ATXN7: variants seen among roughly 807,000 people sequenced by gnomAD.
The protein encoded by ATXN7 is ataxin-7.
In ATXN7, 12 loss-of-function variants were observed where a neutral mutation model predicts 70.5. That is an observed-to-expected ratio of 0.17 (90% CI 0.11 to 0.28). ATXN7 has a LOEUF of 0.28. ATXN7 is among the 10% of genes least tolerant of loss of function. The pLI, the probability that ATXN7 is intolerant of heterozygous loss-of-function variation, is 1.00. For synonymous variants in ATXN7, 498 were observed against 448.7 expected (o/e 1.11, Z -1.39); for missense variants, 1,256 against 1,131.7 (o/e 1.11, Z -1.58).
Position 63,979,814 on chromosome 3 carries a change from G to T in ATXN7, c.500-101G>T, listed in dbSNP as rs1020968539. On this transcript the variant is annotated intron_variant, in intron 5 of 12. Transcript: ENST00000674280. ...TTAACATACCTTCACTTAACGACACGTGTTTTAACCTGAATATATTGATTT... is the reference window on the plus strand; with the variant it reads ...TTAACATACCTTCACTTAACGACACTTGTTTTAACCTGAATATATTGATTT... 6 of 1,509,744 alleles carry T rather than the reference G, an allele frequency of 4.0e-6. No individual in the cohort carries two copies. The East Asian group carries it at 6.8e-5, about 17-fold the overall frequency. The allele number at this position is 1,509,744 out of a possible 1,614,324, so 93.5% of individuals were successfully genotyped here. A position where few individuals can be genotyped will look rare whatever the true frequency, so the allele number is the denominator to read the frequency against.
intron 1 of ATXN7, among the ~76,000 whole-genome samples, chr3:63,870,250 A>G (rs1033869796): frequency 1.3e-5 from 2 of 152,172 alleles, no homozygotes; most frequent in African/African-American, 4.8e-5. Context: ...TTTTTCAACC[A>G]TTTAAAAATG....
chr3:63,940,526 G>T (rs2074740215), intron 4 of ATXN7, among the ~76,000 whole-genome samples: 1 of 152,244 alleles, frequency 6.6e-6, no homozygotes, highest in South Asian at 2.1e-4. Context: ...ATTCTTAACT[G>T]AGTCATGAGA....
At chr3:63,972,259 G>C (rs935018120) in intron 5 of ATXN7, among the ~76,000 whole-genome samples, 1 of 152,182 alleles carries the variant, frequency 6.6e-6, no homozygotes, top group Non-Finnish European at 1.5e-5. Flanking sequence ...GCCAAAGACT[G>C]TGTGCATGTT....
At chr3:63,931,258 T>C (rs899783483) in intron 4 of ATXN7, among the ~76,000 whole-genome samples, 4 of 152,178 alleles carry the variant, frequency 2.6e-5, no homozygotes, top group Admixed American at 2.6e-4. Context: ...AGTTTGCTGA[T>C]TTATTGTTTC....
chr3:63,889,646 T>C (rs982132588), intron 1 of ATXN7, among the ~76,000 whole-genome samples: 3 of 152,160 alleles, frequency 2.0e-5, no homozygotes, highest in Admixed American at 6.5e-5. Context: ...CAAATAATGA[T>C]ACCATGGCTC....
chr3:63,982,535 A>G (rs540138520), intron 7 of ATXN7, 90 bp downstream of exon 7: 785 of 1,184,290 alleles, frequency 6.6e-4, no homozygotes, highest in Non-Finnish European at 8.8e-4. Context: ...TAGAATTCCT[A>G]TTTTTAAAAC....
rs1366129212 is a variant in ATXN7, at chr3:63,988,360, A to T, written c.1361+36A>T. 2.5e-6 allele frequency: 4 copies of T among 1,612,084 alleles called. No homozygotes were observed. The African/African-American group carries it at 5.3e-5, about 22-fold the overall frequency. On this transcript the variant is annotated intron_variant, in intron 9 of 12. Coordinates refer to ENST00000674280, the MANE Select transcript of ATXN7 (RefSeq NM_001377405.1). ...CCCTCCAACTCTTTCTCCCACCTTCAGAGATGAGACTTGCAGATACTGTAA... is the reference window on the plus strand; with the variant it reads ...CCCTCCAACTCTTTCTCCCACCTTCTGAGATGAGACTTGCAGATACTGTAA...
chr3:63,999,191 C>G (rs1363974513), intron 12 of ATXN7: 1 of 425,194 alleles, frequency 2.4e-6, no homozygotes, highest in Non-Finnish European at 4.3e-6. Context: ...AGCCTTTTCT[C>G]TAAGTTAGAA....
intron 4 of ATXN7, among the ~76,000 whole-genome samples, chr3:63,934,428 C>G (rs534495916): frequency 6.6e-6 from 1 of 152,182 alleles, no homozygotes; most frequent in South Asian, 2.1e-4. Flanking sequence ...AGAAATCATA[C>G]AGTCATCCTA....
intron 1 of ATXN7, among the ~76,000 whole-genome samples, chr3:63,897,650 C>T (rs1341826744): frequency 6.6e-6 from 1 of 152,162 alleles, no homozygotes; most frequent in African/African-American, 2.4e-5. Flanking sequence ...TTCATGTGAG[C>T]TCAGCCTGTC....
At chr3:63,933,310 C>T (rs2074591920) in intron 4 of ATXN7, among the ~76,000 whole-genome samples, 1 of 152,128 alleles carries the variant, frequency 6.6e-6, no homozygotes, top group African/African-American at 2.4e-5. Flanking sequence ...GTTTTCTGTC[C>T]TGTAGAAACT....
At chr3:63,935,894 T>G (rs145473095) in intron 4 of ATXN7, among the ~76,000 whole-genome samples, 74 of 152,322 alleles carry the variant, frequency 4.9e-4, no homozygotes, top group Non-Finnish European at 9.9e-4. Flanking sequence ...GATAAACAGA[T>G]ATGTCGAACC....
rs758357287 is a variant in ATXN7, at chr3:63,913,201, G to A, written c.370G>A (p.Glu124Lys). The A allele has an allele frequency of 6.2e-7, 1 of 1,613,952 alleles. No individual in the cohort carries two copies. The highest frequency in any genetic ancestry group is 8.5e-7 in the Non-Finnish European group (1 of 1,179,988). The part of the protein sequence containing the change: ...ESFKEFGKNR[E>K]VMGLCREDMP... ...TTTCAAGGAGTTTGGGAAAAACCGC[G>A]AAGTCATGGGGCTCTGTCGGGAAGG... Residue 124 changes from glutamate to lysine, a missense_variant, in exon 4 of 13, where the codon GAA becomes AAA. Physicochemically the swap from Glu to Lys is moderately conservative, Grantham distance 56. Transcript: ENST00000674280.
At chr3:63,929,674 C>T (rs1334332905) in intron 4 of ATXN7, among the ~76,000 whole-genome samples, 2 of 152,036 alleles carry the variant, frequency 1.3e-5, no homozygotes, top group African/African-American at 4.8e-5. Context: ...ACCTCTCATT[C>T]TTTTTTCCCC....
At chr3:63,899,854 C>G (rs1352349216) in intron 2 of ATXN7, among the ~76,000 whole-genome samples, 1 of 151,972 alleles carries the variant, frequency 6.6e-6, no homozygotes, top group African/African-American at 2.4e-5. Flanking sequence ...CCTGACTTCG[C>G]GATCTGCCCT....
intron 8 of ATXN7, among the ~76,000 whole-genome samples, 184 bp from the exon 9 acceptor site, chr3:63,987,875 C>T (rs1046619842): frequency 6.6e-6 from 1 of 152,098 alleles, no homozygotes; most frequent in Non-Finnish European, 1.5e-5. Context: ...AGAACGTATG[C>T]TTCTAGTCTA....
At chr3:63,969,823 A>G (rs2075283398) in intron 5 of ATXN7, among the ~76,000 whole-genome samples, 1 of 152,240 alleles carries the variant, frequency 6.6e-6, no homozygotes. Flanking sequence ...TAACACATAG[A>G]GGATTGAATC....
intron 5 of ATXN7, among the ~76,000 whole-genome samples, chr3:63,959,340 G>A (rs1276077587): frequency 2.0e-5 from 3 of 152,184 alleles, no homozygotes; most frequent in Non-Finnish European, 4.4e-5. Context: ...TCTTTCTCCA[G>A]CAGTCGGGGG....
intron 6 of ATXN7, chr3:63,980,606 A>T: frequency 5.6e-6 from 1 of 178,054 alleles, no homozygotes; most frequent in Non-Finnish European, 1.2e-5. Flanking sequence ...GGTTTGGGCA[A>T]GGCACTGTTT....
Sources: gnomAD v4.1 joint callset for allele counts (sites outside exome capture counted in the v4.1 genomes callset) on GRCh38, gnomAD v4.1.1 for gene constraint, MANE v1.5 for transcripts, NCBI Gene and HGNC (gene_info 2026-07-23, HGNC 2026-07-21) for gene names.